The following PPARGC1A variants were observed in gnomAD, a reference collection of about 807,000 sequenced individuals.
PPARGC1A encodes the protein peroxisome proliferator-activated receptor gamma coactivator 1-alpha.
In PPARGC1A, 25 loss-of-function variants were observed where a neutral mutation model predicts 88.7. The ratio of observed to expected loss-of-function variants is 0.28; its 90% CI spans 0.21 to 0.39. The LOEUF (loss-of-function observed/expected upper bound fraction) is 0.39. Ranked by LOEUF, PPARGC1A falls within the 10% of genes least tolerant of loss-of-function variation. The probability of loss-of-function intolerance (pLI) is 1.00; values close to 1 mark genes in which losing one functional copy is unlikely to be tolerated. For missense variants in PPARGC1A, 880 were observed against 968.7 expected (o/e 0.91, Z 1.22); for synonymous variants, 363 against 355.6 (o/e 1.02, Z -0.24).
the PPARGC1A span, among the ~76,000 whole-genome samples, chr4:24,348,670 T>C: frequency 3.3e-5 from 5 of 152,208 alleles, no homozygotes; most frequent in African/African-American, 1.2e-4. Flanking sequence ...ATTGTTTTTT[T>C]CTTTAAGCTG....
At chr4:24,136,515 C>G in the PPARGC1A span, among the ~76,000 whole-genome samples, 3 of 152,122 alleles carry the variant, frequency 2.0e-5, no homozygotes, top group Non-Finnish European at 2.9e-5. Context: ...CTTGGAAATG[C>G]CGCAATTGGG....
At chr4:23,905,450 A>G (rs1368965029), upstream of PPARGC1A, among the ~76,000 whole-genome samples, 1 of 152,184 alleles carries the variant, frequency 6.6e-6, no homozygotes, top group Non-Finnish European at 1.5e-5. Flanking sequence ...ACTGTAATAA[A>G]CAAGTCTAAG....
the PPARGC1A span, among the ~76,000 whole-genome samples, chr4:24,119,747 ATGAAT>A: frequency 6.6e-6 from 1 of 152,166 alleles, no homozygotes; most frequent in Non-Finnish European, 1.5e-5. Context: ...TCACTCTAGA[ATGAAT>A]TGAAATGTGA....
At chr4:24,207,526 A>T in the PPARGC1A span, among the ~76,000 whole-genome samples, 5 of 152,240 alleles carry the variant, frequency 3.3e-5, no homozygotes, top group African/African-American at 7.2e-5. Flanking sequence ...CTGAAAAGAA[A>T]CTTGCTCATT....
At chr4:24,325,822 T>C in the PPARGC1A span, among the ~76,000 whole-genome samples, 1 of 152,166 alleles carries the variant, frequency 6.6e-6, no homozygotes, top group Non-Finnish European at 1.5e-5. Context: ...CAAGGGCCTG[T>C]TTCCCTTGCC....
chr4:24,267,648 A>G, the PPARGC1A span, among the ~76,000 whole-genome samples: 2 of 152,202 alleles, frequency 1.3e-5, no homozygotes, highest in East Asian at 3.8e-4. Context: ...CTGTCCATCA[A>G]TGATTAGCAT....
At chr4:24,063,604 C>T in the PPARGC1A span, among the ~76,000 whole-genome samples, 25 of 152,192 alleles carry the variant, frequency 1.6e-4, no homozygotes, top group South Asian at 3.5e-3. Flanking sequence ...CTTTGAGATC[C>T]CGGGGTGAAG....
the PPARGC1A span, among the ~76,000 whole-genome samples, chr4:24,359,568 C>T: frequency 6.6e-6 from 1 of 152,140 alleles, no homozygotes; most frequent in East Asian, 1.9e-4. Context: ...TTCCCTGATA[C>T]CTATGAATGG....
At chr4:24,277,977 C>T in the PPARGC1A span, among the ~76,000 whole-genome samples, 2 of 151,988 alleles carry the variant, frequency 1.3e-5, no homozygotes, top group Non-Finnish European at 2.9e-5. Flanking sequence ...GAGTTTGAGA[C>T]CAGCCTGGGC....
At chr4:24,055,802 A>G in the PPARGC1A span, among the ~76,000 whole-genome samples, 5 of 152,084 alleles carry the variant, frequency 3.3e-5, no homozygotes, top group African/African-American at 1.2e-4. Context: ...GTAGGAAAGC[A>G]TTGCTGTACC....
At chr4:24,121,668 T>C in the PPARGC1A span, among the ~76,000 whole-genome samples, 3 of 152,144 alleles carry the variant, frequency 2.0e-5, no homozygotes, top group African/African-American at 2.4e-5. Flanking sequence ...CACAGCTATA[T>C]ATTTTAAATA....
chr4:24,122,436 T>G, the PPARGC1A span, among the ~76,000 whole-genome samples: 48,946 of 123,698 alleles, frequency 0.4, 9,543 homozygotes, highest in Admixed American at 0.45. Context: ...TATATATATA[T>G]AGAGAGAGAG....
chr4:24,109,219 T>C, the PPARGC1A span, among the ~76,000 whole-genome samples: 11 of 151,586 alleles, frequency 7.3e-5, no homozygotes, highest in Non-Finnish European at 1.5e-5. Flanking sequence ...GTCTGCTTTA[T>C]TTAAAATTTC....
chr4:24,115,225 C>T, the PPARGC1A span, among the ~76,000 whole-genome samples: 8 of 152,038 alleles, frequency 5.3e-5, no homozygotes, highest in East Asian at 1.9e-4. Flanking sequence ...CACATTAAAA[C>T]GAAAAGCACA....
Position 23,814,095 on chromosome 4 carries a change from T to C in PPARGC1A, c.1388A>G (p.Asn463Ser), listed in dbSNP as rs1396907801. The C allele has an allele frequency of 1.9e-6, 3 of 1,614,132 alleles. No homozygotes were observed. The highest frequency in any genetic ancestry group is 1.7e-5 in the Admixed American group (1 of 60,012). Residue 463 changes from asparagine (N) to serine (S), a missense_variant, in exon 8 of 13, where the codon AAC (asparagine) becomes AGC (serine). Physicochemically the swap from Asn to Ser is conservative, Grantham distance 46. Transcript: ENST00000264867. ...TTGACTGGGATGACCGAAGTGCTTG[T>C]TCAGCTCGGCTCGGATTTCCTGGTC... ...LQDQEIRAEL[N>S]KHFGHPSQAV... is the part of the protein sequence containing the mutation.
chr4:24,126,522 C>T, the PPARGC1A span, among the ~76,000 whole-genome samples: 1 of 152,054 alleles, frequency 6.6e-6, no homozygotes, highest in African/African-American at 2.4e-5. Flanking sequence ...TTTTCTTAGT[C>T]CCTCTAGGAT....
At chr4:23,926,864 TC>T in the PPARGC1A span, among the ~76,000 whole-genome samples, 2 of 152,156 alleles carry the variant, frequency 1.3e-5, no homozygotes, top group Non-Finnish European at 2.9e-5. Flanking sequence ...TGCATCTGTT[TC>T]CCCCACAGAC....
chr4:24,317,596 A>AAAC, the PPARGC1A span, among the ~76,000 whole-genome samples: 28 of 131,204 alleles, frequency 2.1e-4, no homozygotes, highest in African/African-American at 8.6e-4. Flanking sequence ...AAAAAAAAAA[A>AAAC]CACCACCACC....
chr4:24,178,045 A>G, the PPARGC1A span, among the ~76,000 whole-genome samples: 1 of 152,252 alleles, frequency 6.6e-6, no homozygotes, highest in Non-Finnish European at 1.5e-5. Flanking sequence ...CTCCACAGGA[A>G]AACAGCATGG....
Sources: allele counts gnomAD v4.1 joint callset (sites outside exome capture counted in the v4.1 genomes callset), GRCh38; gene constraint gnomAD v4.1.1; transcripts MANE v1.5; gene names NCBI Gene and HGNC (gene_info 2026-07-23, HGNC 2026-07-21).